Variants in CAMK1D observed in about 807,000 individuals in gnomAD.
CAMK1D encodes the protein calcium/calmodulin dependent protein kinase ID.
CAMK1D carries 9 observed loss-of-function variants against 47.7 expected under a neutral mutation model. The ratio of observed to expected loss-of-function variants is 0.19; its 90% CI spans 0.11 to 0.33. CAMK1D has a LOEUF of 0.33. Among genes scored for constraint, CAMK1D ranks in the 10% least tolerant of loss-of-function variants. The pLI, the probability that CAMK1D is intolerant of heterozygous loss-of-function variation, is 1.00. For synonymous variants in CAMK1D, 184 were observed against 184.9 expected (o/e 0.99, Z 0.04); for missense variants, 291 against 488.7 (o/e 0.60, Z 3.81).
At chr10:12,570,912 C>T (rs1248997983) in intron 2 of CAMK1D, among the ~76,000 whole-genome samples, 1 of 152,092 alleles carries the variant, frequency 6.6e-6, no homozygotes, top group Non-Finnish European at 1.5e-5. Context: ...GATTGCGTCA[C>T]TGCACTCTAG....
chr10:12,665,789 G>A (rs1197230960), intron 2 of CAMK1D, among the ~76,000 whole-genome samples: 3 of 152,230 alleles, frequency 2.0e-5, no homozygotes, highest in African/African-American at 7.2e-5. Flanking sequence ...TCAGAGTGCA[G>A]TCTGCAGATC....
At chr10:12,682,245 A>C (rs1054330710) in intron 3 of CAMK1D, among the ~76,000 whole-genome samples, 13 of 149,072 alleles carry the variant, frequency 8.7e-5, no homozygotes, top group African/African-American at 1.2e-4. Context: ...CAAAACAAAA[A>C]AAAGTTAGTT....
intron 5 of CAMK1D, among the ~76,000 whole-genome samples, chr10:12,784,908 C>G (rs1837658801): frequency 6.6e-6 from 1 of 152,174 alleles, no homozygotes; most frequent in Admixed American, 6.5e-5. Flanking sequence ...CTCTGCCCTG[C>G]CCCTCCAGCA....
chr10:12,529,096 C>A (rs1835721391), intron 1 of CAMK1D, among the ~76,000 whole-genome samples: 2 of 152,076 alleles, frequency 1.3e-5, no homozygotes, highest in African/African-American at 4.8e-5. Context: ...TCTTGGTCTC[C>A]CAAAGTGCTG....
chr10:12,440,011 C>T (rs1452177509), intron 1 of CAMK1D, among the ~76,000 whole-genome samples: 8 of 152,150 alleles, frequency 5.3e-5, no homozygotes, highest in East Asian at 1.9e-4. Context: ...GAAACCACCC[C>T]GTGATTCAGT....
intron 2 of CAMK1D, among the ~76,000 whole-genome samples, chr10:12,606,477 C>G (rs1010846254): frequency 1.3e-5 from 2 of 152,200 alleles, no homozygotes; most frequent in Admixed American, 1.3e-4. Context: ...GTAGGAACCA[C>G]GGACGGCCCT....
At chr10:12,385,628 G>T (rs1220328749) in intron 1 of CAMK1D, among the ~76,000 whole-genome samples, 1 of 151,932 alleles carries the variant, frequency 6.6e-6, no homozygotes, top group African/African-American at 2.4e-5. Flanking sequence ...AATGGAAAAT[G>T]ACTGATCAAA....
chr10:12,689,667 T>C (rs368207311), intron 3 of CAMK1D, among the ~76,000 whole-genome samples: 2 of 151,782 alleles, frequency 1.3e-5, no homozygotes, highest in African/African-American at 4.8e-5. Flanking sequence ...TCCCAGCTAC[T>C]CGGGAGGCTA....
chr10:12,774,457 A>G (rs1837185187), intron 5 of CAMK1D, among the ~76,000 whole-genome samples: 1 of 152,064 alleles, frequency 6.6e-6, no homozygotes, highest in Non-Finnish European at 1.5e-5. Context: ...AAGGAGAGGA[A>G]TAGGAGAGAC....
intron 1 of CAMK1D, among the ~76,000 whole-genome samples, chr10:12,416,790 A>G (rs1381931675): frequency 5.9e-5 from 9 of 152,174 alleles, no homozygotes; most frequent in Non-Finnish European, 1.2e-4. Flanking sequence ...CCCTTTCCTT[A>G]TCAGTTCAGC....
At chr10:12,810,298 G>A (rs1179939174) in intron 6 of CAMK1D, among the ~76,000 whole-genome samples, 7 of 93,802 alleles carry the variant, frequency 7.5e-5, no homozygotes, top group African/African-American at 3.0e-4. Flanking sequence ...TTTTTTTGAT[G>A]GAGTCTCGCT....
intron 2 of CAMK1D, among the ~76,000 whole-genome samples, chr10:12,560,514 C>T (rs1299678605): frequency 1.4e-5 from 2 of 145,828 alleles, no homozygotes; most frequent in Non-Finnish European, 3.0e-5. Flanking sequence ...GATCGCACCA[C>T]TGCACTTCAG....
At chr10:12,725,029 A>G (rs1421184768) in intron 3 of CAMK1D, among the ~76,000 whole-genome samples, 1 of 152,244 alleles carries the variant, frequency 6.6e-6, no homozygotes, top group African/African-American at 2.4e-5. Context: ...AACCAGGCAC[A>G]TCCGTCTAGT....
chr10:12,376,059 A>G (rs945838093), intron 1 of CAMK1D, among the ~76,000 whole-genome samples: 7 of 141,514 alleles, frequency 4.9e-5, no homozygotes, highest in African/African-American at 1.3e-4. Context: ...GCTACTCGGG[A>G]GGCTGAGGCC....
At chr10:12,820,069 C>A (rs1370734421) in intron 8 of CAMK1D, among the ~76,000 whole-genome samples, 7 of 152,214 alleles carry the variant, frequency 4.6e-5, no homozygotes, top group African/African-American at 1.2e-4. Context: ...TGGTGGGAGC[C>A]TCACTCTGTC....
chr10:12,546,114 C>T (rs1836361694), intron 1 of CAMK1D, among the ~76,000 whole-genome samples: 1 of 152,164 alleles, frequency 6.6e-6, no homozygotes, highest in Non-Finnish European at 1.5e-5. Flanking sequence ...GACATGAAAC[C>T]TCAAAGATTT....
intron 5 of CAMK1D, among the ~76,000 whole-genome samples, chr10:12,781,972 GT>G (rs58759372): frequency 0.04 from 5,184 of 128,228 alleles, 149 homozygotes; most frequent in African/African-American, 0.13. Context: ...TAATTTAATT[GT>G]TTTTTTTTTT....
intron 1 of CAMK1D, among the ~76,000 whole-genome samples, chr10:12,353,709 A>G (rs1321623153): frequency 6.6e-6 from 1 of 152,180 alleles, no homozygotes; most frequent in Non-Finnish European, 1.5e-5. Flanking sequence ...GCAGCCTCCT[A>G]CAAAAGGGAA....
chr10:12,773,574 C>G (rs1305863302), intron 5 of CAMK1D, among the ~76,000 whole-genome samples: 1 of 152,078 alleles, frequency 6.6e-6, no homozygotes, highest in Non-Finnish European at 1.5e-5. Flanking sequence ...GATACAAGGG[C>G]CAAGTGTACA....
Sources: gnomAD v4.1 joint callset for allele counts (sites outside exome capture counted in the v4.1 genomes callset) on GRCh38, gnomAD v4.1.1 for gene constraint, MANE v1.5 for transcripts, NCBI Gene and HGNC (gene_info 2026-07-23, HGNC 2026-07-21) for gene names.